PDE1A: variants seen among roughly 807,000 people sequenced by gnomAD.
PDE1A encodes phosphodiesterase 1A.
A neutral mutation model predicts 61.7 loss-of-function variants in PDE1A; 35 were observed. The observed-to-expected ratio is 0.57, with a 90% CI of 0.43 to 0.75. PDE1A has a LOEUF of 0.75. Ranked by LOEUF, PDE1A falls within the 30% of genes least tolerant of loss-of-function variation. The pLI is 0.00. For synonymous variants in PDE1A, 232 were observed against 213.2 expected (o/e 1.09, Z -0.77); for missense variants, 597 against 630.6 (o/e 0.95, Z 0.57).
chr2:182,625,766 G>T, the PDE1A span, among the ~76,000 whole-genome samples: 37 of 152,264 alleles, frequency 2.4e-4, no homozygotes, highest in East Asian at 7.0e-3. Context: ...TTTGAGGGGT[G>T]CAGGGCTAAA....
chr2:182,263,681 T>G (rs1189958609), intron 2 of PDE1A, among the ~76,000 whole-genome samples: 6 of 152,306 alleles, frequency 3.9e-5, no homozygotes, highest in Admixed American at 3.9e-4. Context: ...ACTGGTCACA[T>G]CTCCTGGATT....
At chr2:182,247,533 C>G (rs550991363) in intron 2 of PDE1A, among the ~76,000 whole-genome samples, 2 of 152,304 alleles carry the variant, frequency 1.3e-5, no homozygotes, top group East Asian at 1.9e-4. Context: ...TTTACCTCTT[C>G]TTACTTATTC....
At chr2:182,455,978 A>G (rs1685893236) in intron 2 of PDE1A, among the ~76,000 whole-genome samples, 1 of 152,184 alleles carries the variant, frequency 6.6e-6, no homozygotes, top group South Asian at 2.1e-4. Context: ...TGACTGTTCA[A>G]AGTAAATTAT....
chr2:182,611,268 A>G, the PDE1A span, among the ~76,000 whole-genome samples: 1 of 152,232 alleles, frequency 6.6e-6, no homozygotes, highest in African/African-American at 2.4e-5. Flanking sequence ...CAGAACTCCA[A>G]GCTGTTTACC....
At chr2:182,277,255 C>T (rs1043841979) in intron 1 of PDE1A, among the ~76,000 whole-genome samples, 1 of 152,000 alleles carries the variant, frequency 6.6e-6, no homozygotes. Flanking sequence ...CATCATGGTC[C>T]TACTGATATG....
intron 2 of PDE1A, among the ~76,000 whole-genome samples, chr2:182,468,053 G>C (rs1398134579): frequency 1.3e-5 from 2 of 151,876 alleles, no homozygotes; most frequent in Non-Finnish European, 2.9e-5. Flanking sequence ...TCTTTTTCCT[G>C]GTAGAGAATC....
chr2:182,553,698 A>T, the PDE1A span, among the ~76,000 whole-genome samples: 1 of 152,236 alleles, frequency 6.6e-6, no homozygotes, highest in Non-Finnish European at 1.5e-5. Flanking sequence ...AGGAGTTGAG[A>T]GACTTCTCAC....
the PDE1A span, among the ~76,000 whole-genome samples, chr2:182,569,556 C>T: frequency 1.3e-5 from 2 of 152,106 alleles, no homozygotes; most frequent in Admixed American, 6.6e-5. Flanking sequence ...CTCTCTTTAA[C>T]GAGACTTTCT....
At chr2:182,266,264 A>C (rs1692626800) in intron 1 of PDE1A, among the ~76,000 whole-genome samples, 1 of 152,190 alleles carries the variant, frequency 6.6e-6, no homozygotes, top group Admixed American at 6.6e-5. Flanking sequence ...GGTTACTTAG[A>C]AAGGAAAAAT....
chr2:182,400,463 G>A (rs1350889319), intron 1 of PDE1A, among the ~76,000 whole-genome samples: 1 of 152,138 alleles, frequency 6.6e-6, no homozygotes, highest in Non-Finnish European at 1.5e-5. Context: ...GCCCCAGAAA[G>A]AGCTTTCAGA....
the PDE1A span, among the ~76,000 whole-genome samples, chr2:182,697,257 C>T: frequency 6.6e-6 from 1 of 152,170 alleles, no homozygotes; most frequent in South Asian, 2.1e-4. Flanking sequence ...ACCTTGGGGT[C>T]TCACACACCA....
the PDE1A span, among the ~76,000 whole-genome samples, chr2:182,658,947 T>C: frequency 6.6e-6 from 1 of 152,212 alleles, no homozygotes; most frequent in Non-Finnish European, 1.5e-5. Context: ...AAATTCTCAC[T>C]GCAAGCCATC....
At chr2:182,592,189 A>G in the PDE1A span, among the ~76,000 whole-genome samples, 2 of 152,228 alleles carry the variant, frequency 1.3e-5, no homozygotes, top group Admixed American at 1.3e-4. Flanking sequence ...CTCAGGAAAA[A>G]AGTGATAAAG....
chr2:182,325,721 C>A (rs951963774), intron 1 of PDE1A, among the ~76,000 whole-genome samples: 1 of 152,124 alleles, frequency 6.6e-6, no homozygotes, highest in African/African-American at 2.4e-5. Context: ...TGTTCGTAAC[C>A]AGCTTGGGCA....
intron 2 of PDE1A, among the ~76,000 whole-genome samples, chr2:182,250,567 A>T (rs571071997): frequency 4.2e-4 from 64 of 151,924 alleles, no homozygotes; most frequent in African/African-American, 1.2e-3. Context: ...CTTTTTTTTA[A>T]AAAAAAGTTT....
chr2:182,364,493 A>AAAAAAAAAAC (rs1699722437), intron 1 of PDE1A, among the ~76,000 whole-genome samples: 1 of 144,790 alleles, frequency 6.9e-6, no homozygotes, highest in Non-Finnish European at 1.5e-5. Context: ...AAAAAAAAAA[A>AAAAAAAAAAC]AAAAAACCTT....
At chr2:182,316,287 T>C (rs1330522241) in intron 1 of PDE1A, among the ~76,000 whole-genome samples, 1 of 152,200 alleles carries the variant, frequency 6.6e-6, no homozygotes, top group Non-Finnish European at 1.5e-5. Flanking sequence ...TAGTGCATTA[T>C]ACTGATGTAT....
chr2:182,469,468 G>T (rs144817005), intron 2 of PDE1A, among the ~76,000 whole-genome samples: 1,558 of 152,022 alleles, frequency 0.01, 31 homozygotes, highest in African/African-American at 0.035. Flanking sequence ...TTAGGGCCTT[G>T]CTCCGAATTA....
intron 2 of PDE1A, among the ~76,000 whole-genome samples, chr2:182,262,481 G>T (rs1692295329): frequency 6.6e-6 from 1 of 152,102 alleles, no homozygotes; most frequent in Non-Finnish European, 1.5e-5. Context: ...TGCACAGGCT[G>T]GTTGTGAACT....
Sources: gnomAD v4.1 joint callset for allele counts (sites outside exome capture counted in the v4.1 genomes callset) on GRCh38, gnomAD v4.1.1 for gene constraint, MANE v1.5 for transcripts, NCBI Gene and HGNC (gene_info 2026-07-23, HGNC 2026-07-21) for gene names.